CHD9: variants seen among roughly 807,000 people sequenced by gnomAD.
CHD9 encodes ATP-dependent chromatin remodeler CHD9.
Under a neutral mutation model 316.1 loss-of-function variants are expected in CHD9, and 77 were observed. The observed-to-expected ratio is 0.24, with a 90% CI of 0.20 to 0.29. The LOEUF is 0.29. Ranked by LOEUF, CHD9 falls within the 10% of genes least tolerant of loss-of-function variation. CHD9 has a pLI of 1.00. For missense variants in CHD9, 2,763 were observed against 3,438.1 expected (o/e 0.80, Z 4.91); for synonymous variants, 1,129 against 1,158.3 (o/e 0.97, Z 0.51).
At chr16:53,111,575 C>T (rs886192707) in intron 1 of CHD9, among the ~76,000 whole-genome samples, 1 of 152,128 alleles carries the variant, frequency 6.6e-6, no homozygotes, top group African/African-American at 2.4e-5. Context: ...TTACACTTAC[C>T]ACTAGCTCCA....
At chr16:53,229,182 T>A in intron 8 of CHD9, 82 bp downstream of exon 8, 1 of 645,166 alleles carries the variant, frequency 1.5e-6, no homozygotes, top group Non-Finnish European at 2.6e-6. Context: ...CACATTATTT[T>A]AATTCTTAGA....
At chr16:53,208,249 A>G (rs1051951009) in intron 2 of CHD9, 19 of 1,215,268 alleles carry the variant, frequency 1.6e-5, no homozygotes, top group East Asian at 6.6e-5. Flanking sequence ...TCTTCTTTCA[A>G]TGCTTTTTTC....
intron 30 of CHD9, among the ~76,000 whole-genome samples, chr16:53,301,758 CTTTTTTTTCTTTT>C (rs2055447274): frequency 7.2e-6 from 1 of 138,716 alleles, no homozygotes; most frequent in South Asian, 2.4e-4. Flanking sequence ...CTCTCTCTTT[CTTTTTTTTCTTTT>C]TTTTTTTTTT....
intron 34 of CHD9, among the ~76,000 whole-genome samples, chr16:53,312,377 T>G (rs920647282): frequency 1.3e-5 from 2 of 152,188 alleles, no homozygotes; most frequent in African/African-American, 4.8e-5. Context: ...CATTGCTTTC[T>G]GGAAACTTAG....
chr16:53,168,993 T>C (rs2042480056), intron 2 of CHD9, among the ~76,000 whole-genome samples: 1 of 152,178 alleles, frequency 6.6e-6, no homozygotes, highest in African/African-American at 2.4e-5. Context: ...GACAGGTCAC[T>C]TGAGCTCAAG....
At chr16:53,239,696 T>C (rs144649265) in intron 12 of CHD9, among the ~76,000 whole-genome samples, 1 of 152,124 alleles carries the variant, frequency 6.6e-6, no homozygotes, top group Non-Finnish European at 1.5e-5. Flanking sequence ...GTGCATAGCC[T>C]TCTACTTTTG....
At chr16:53,067,792 T>C (rs1418511536) in intron 1 of CHD9, among the ~76,000 whole-genome samples, 3 of 152,090 alleles carry the variant, frequency 2.0e-5, no homozygotes, top group African/African-American at 7.2e-5. Flanking sequence ...TAACTCATTT[T>C]CCTCCTTTTC....
At chr16:53,160,901 T>C (rs2041860996) in intron 2 of CHD9, among the ~76,000 whole-genome samples, 1 of 152,104 alleles carries the variant, frequency 6.6e-6, no homozygotes. Flanking sequence ...AGCAAGACTC[T>C]GTCTCAAAAC....
chr16:53,180,672 T>C (rs1227523289), intron 2 of CHD9, among the ~76,000 whole-genome samples: 5 of 151,958 alleles, frequency 3.3e-5, no homozygotes. Flanking sequence ...TTTTATTTTT[T>C]TAAATTTATT....
rs1433918746 is a variant in CHD9, at chr16:53,226,414, A to G, written c.1945A>G (p.Ile649Val). 3 of 1,600,096 alleles carry G rather than the reference A, an allele frequency of 1.9e-6. No individual in the cohort carries two copies. The highest frequency in any genetic ancestry group is 2.3e-5 in the East Asian group (1 of 44,434). ...TAAAAGAAAAAAATACGCAGAAGAT[A>G]TAGAAGGGAAGCAATCTGAAGAAGA... ...QIKRKKYAED[I>V]EGKQSEEEVK... is the part of the protein sequence containing the mutation. Residue 649 changes from isoleucine (I) to valine (V), a missense_variant, in exon 5 of 39, where the codon ATA becomes GTA. Around this residue, in one of 15 missense-constraint regions of CHD9, gnomAD observed 859 missense variants for 890.4 expected, o/e 0.96. Coordinates refer to ENST00000447540, the MANE Select transcript of CHD9 (RefSeq NM_001308319.2).
chr16:53,255,509 C>A, intron 18 of CHD9, 91 bp from the exon 19 acceptor site: 1 of 1,116,402 alleles, frequency 9.0e-7, no homozygotes. Flanking sequence ...TTTAAGCATG[C>A]CTCTTGTGTT....
intron 2 of CHD9, among the ~76,000 whole-genome samples, chr16:53,205,930 C>T (rs565950334): frequency 1.3e-5 from 2 of 152,018 alleles, no homozygotes; most frequent in African/African-American, 4.8e-5. Flanking sequence ...CATTCTTTCT[C>T]AACTAGGTTT....
intron 30 of CHD9, chr16:53,299,078 C>T: frequency 5.4e-6 from 1 of 184,358 alleles, no homozygotes; most frequent in Admixed American, 5.2e-5. Flanking sequence ...CAGGGTCCTC[C>T]AGGAACTGGA....
At position 53,227,443 on chromosome 16, in the gene CHD9, T is replaced by C; in HGVS notation, c.2091T>C (p.Ser697=). The C allele has an allele frequency of 6.4e-7, 1 of 1,568,690 alleles. No homozygotes were observed. ...CTGCAATTGTAGACAAAATTCTATC[T>C]TCTAGAACCGTAAAAAAGGAAGTAA... ...EDAAIVDKIL[S]SRTVKKEISP... The change falls in exon 6 of 39, where the codon TCT becomes TCC. Residue 697 remains serine, a synonymous_variant. Transcript: ENST00000447540.
chr16:53,269,056 C>A (rs894216801), intron 22 of CHD9, among the ~76,000 whole-genome samples: 1 of 152,052 alleles, frequency 6.6e-6, no homozygotes, highest in South Asian at 2.1e-4. Context: ...ATCCTTCCCC[C>A]TCAGCCACCC....
intron 1 of CHD9, among the ~76,000 whole-genome samples, chr16:53,081,839 G>GTGAA (rs57324357): frequency 0.22 from 32,713 of 150,042 alleles, 4,144 homozygotes; most frequent in African/African-American, 0.33. Flanking sequence ...TGTCAAGTTT[G>GTGAA]TGAATGAATG....
At chr16:53,142,102 C>T (rs1365395801) in intron 1 of CHD9, among the ~76,000 whole-genome samples, 3 of 152,120 alleles carry the variant, frequency 2.0e-5, no homozygotes, top group Non-Finnish European at 2.9e-5. Context: ...ATTGGTATAA[C>T]ATTTTTAATT....
intron 3 of CHD9, among the ~76,000 whole-genome samples, chr16:53,210,221 C>G (rs1221141021): frequency 1.3e-5 from 2 of 150,370 alleles, no homozygotes; most frequent in East Asian, 3.9e-4. Flanking sequence ...TCACTGAGCA[C>G]TCATAGTTTG....
chr16:53,231,559 G>C, intron 9 of CHD9, 54 bp downstream of exon 9: 5 of 1,386,088 alleles, frequency 3.6e-6, no homozygotes, highest in Non-Finnish European at 5.0e-6. Flanking sequence ...AACTTTCCAA[G>C]TATTAAGACC....
Sources: allele counts gnomAD v4.1 joint callset (sites outside exome capture counted in the v4.1 genomes callset), GRCh38; gene constraint gnomAD v4.1.1; regional missense constraint gnomAD v4.1.1; transcripts MANE v1.5; gene names NCBI Gene and HGNC (gene_info 2026-07-23, HGNC 2026-07-21).